Variants in PRRX2 observed in about 807,000 individuals in gnomAD.
PRRX2 encodes the protein paired related homeobox 2.
A neutral mutation model predicts 18.0 loss-of-function variants in PRRX2; 11 were observed. The observed-to-expected ratio is 0.61, with a 90% CI of 0.39 to 1.01. The LOEUF (loss-of-function observed/expected upper bound fraction) is 1.01, where lower values mean the gene tolerates loss of function less well. PRRX2 is among the 50% of genes least tolerant of loss of function. PRRX2 has a pLI of 0.01. For missense variants in PRRX2, 387 were observed against 351.0 expected (o/e 1.10, Z -0.82); for synonymous variants, 177 against 154.8 (o/e 1.14, Z -1.06).
At chr9:129,673,652 CCACACA>C (rs3054761) in intron 1 of PRRX2, among the ~76,000 whole-genome samples, 53 of 148,952 alleles carry the variant, frequency 3.6e-4, no homozygotes, top group Non-Finnish European at 5.4e-4. Flanking sequence ...ACCCCCCATG[CCACACA>C]CACACACACA....
In PRRX2 at chr9:129,709,553, G is replaced by A. The variant is rs1177560939; in HGVS notation, c.260-9678G>A. ...GCCTCTCGCTCTTGTGTGCTGTGCC[G>A]AGGCCGGGGAAGCCATGGGATGGGG... On this transcript the variant is annotated intron_variant, in intron 1 of 3. Coordinates refer to ENST00000372469, the MANE Select transcript of PRRX2 (RefSeq NM_016307.4). This position sits in a 1 kb window ranked among gnomAD's most constrained non-coding sequence, Gnocchi z 4.2. 3.9e-5 allele frequency among the ~76,000 whole-genome samples: 6 copies of A among 152,200 alleles called. No individual in the cohort carries two copies. Among genetic ancestry groups the A allele is most frequent in the African/African-American group, 1.2e-4 (5 of 41,460 alleles).
At chr9:129,670,686 T>C (rs1832089013) in intron 1 of PRRX2, among the ~76,000 whole-genome samples, 1 of 152,164 alleles carries the variant, frequency 6.6e-6, no homozygotes, top group African/African-American at 2.4e-5. Flanking sequence ...TACCTTTAAA[T>C]GTGTTAAGGG....
intron 1 of PRRX2, among the ~76,000 whole-genome samples, chr9:129,719,005 C>T (rs1413842270): frequency 1.3e-5 from 2 of 152,170 alleles, no homozygotes; most frequent in African/African-American, 4.8e-5. Context: ...TCCGTTATCT[C>T]CCCGGAGTCT....
Position 129,719,328 on chromosome 9 carries a change from GGAGCGCGTGTTC to G in PRRX2, c.364_375del (p.Val122_Arg125del), listed in dbSNP as rs1564156642. 1.2e-6 allele frequency: 2 copies of G among 1,606,372 alleles called. No homozygotes were observed. Among genetic ancestry groups the G allele is most frequent in the African/African-American group, 1.3e-5 (1 of 74,774 alleles). ...TCAACAGCAGCCAACTGCAGGCGCT[GGAGCGCGTGTTC>G]GAGCGCACGCACTACCCCGACGCCT... On this transcript the variant is annotated inframe_deletion, in exon 2 of 4. Transcript: ENST00000372469.
intron 1 of PRRX2, among the ~76,000 whole-genome samples, chr9:129,696,092 A>G: frequency 6.6e-6 from 1 of 151,992 alleles, no homozygotes. Context: ...GAAAAAAAAA[A>G]GAAAGGTGGG....
At chr9:129,669,154 C>G (rs985397089) in intron 1 of PRRX2, among the ~76,000 whole-genome samples, 1 of 73,822 alleles carries the variant, frequency 1.4e-5, no homozygotes, top group African/African-American at 9.0e-5. Flanking sequence ...ATAGCAGGCT[C>G]AAACTTTTTT....
chr9:129,669,443 C>T (rs1289783196), intron 1 of PRRX2, among the ~76,000 whole-genome samples: 1 of 152,248 alleles, frequency 6.6e-6, no homozygotes, highest in Non-Finnish European at 1.5e-5. Flanking sequence ...AGCATTCCCT[C>T]CTGTGGGCAG....
At chr9:129,708,285 C>T (rs1169184459) in intron 1 of PRRX2, among the ~76,000 whole-genome samples, 1 of 152,210 alleles carries the variant, frequency 6.6e-6, no homozygotes, top group Non-Finnish European at 1.5e-5. Flanking sequence ...GTCCACCTGC[C>T]TCGGCCTCTG....
intron 1 of PRRX2, among the ~76,000 whole-genome samples, chr9:129,676,714 G>C (rs1323627912): frequency 6.6e-6 from 1 of 152,216 alleles, no homozygotes; most frequent in African/African-American, 2.4e-5. Context: ...AACCCTGCGG[G>C]CTTGGAAGCC....
rs1312582203 is a variant in PRRX2, at chr9:129,709,014, G to GC, written c.260-10215dup. 6.6e-6 allele frequency among the ~76,000 whole-genome samples: 1 copy of GC among 152,194 alleles called. No individual in the cohort carries two copies. The highest frequency in any genetic ancestry group is 2.4e-5 in the African/African-American group (1 of 41,436). On this transcript the variant is annotated intron_variant, in intron 1 of 3. Coordinates refer to ENST00000372469, the MANE Select transcript of PRRX2 (RefSeq NM_016307.4). This position sits in a 1 kb window ranked among gnomAD's most constrained non-coding sequence, Gnocchi z 4.2. ...TGCAGATGTGCAGGAGAGGGAGAAG[G>GC]CCTAGGAGTCCATAACAAGGAGACC... is the stretch of plus-strand genomic sequence containing the variant.
At chr9:129,681,913 T>C (rs1374766754) in intron 1 of PRRX2, among the ~76,000 whole-genome samples, 1 of 151,936 alleles carries the variant, frequency 6.6e-6, no homozygotes, top group East Asian at 1.9e-4. Context: ...CGGGCACATG[T>C]TTGCTGCTTT....
chr9:129,705,584 A>G (rs1029373045), intron 1 of PRRX2, among the ~76,000 whole-genome samples: 3 of 151,346 alleles, frequency 2.0e-5, no homozygotes, highest in African/African-American at 7.3e-5. Context: ...TGAACTCCTG[A>G]CCTCTGGTGA....
chr9:129,699,679 C>T (rs558479938), intron 1 of PRRX2, among the ~76,000 whole-genome samples: 72 of 152,232 alleles, frequency 4.7e-4, no homozygotes, highest in Admixed American at 5.9e-4. Context: ...TGCATCCGCC[C>T]GGAATAAAGA....
At chr9:129,666,835 C>T (rs1191625422) in intron 1 of PRRX2, among the ~76,000 whole-genome samples, 1 of 152,184 alleles carries the variant, frequency 6.6e-6, no homozygotes, top group Non-Finnish European at 1.5e-5. Flanking sequence ...GGACCGGAGT[C>T]CTCGCGGCTC....
At chr9:129,718,227 T>A (rs943027207) in intron 1 of PRRX2, among the ~76,000 whole-genome samples, 7 of 152,168 alleles carry the variant, frequency 4.6e-5, no homozygotes, top group African/African-American at 1.7e-4. Context: ...CCGCCCCTGC[T>A]GGGCCTTGGC....
chr9:129,696,235 C>T (rs1159753751), intron 1 of PRRX2, among the ~76,000 whole-genome samples: 2 of 152,140 alleles, frequency 1.3e-5, no homozygotes, highest in Admixed American at 6.5e-5. Context: ...CTTTTCAAAA[C>T]GAAAACAAGC....
chr9:129,707,193 T>C (rs1377190540), intron 1 of PRRX2, among the ~76,000 whole-genome samples: 1 of 151,916 alleles, frequency 6.6e-6, no homozygotes, highest in Non-Finnish European at 1.5e-5. Flanking sequence ...GAGGCAGAGG[T>C]TGCAGTGAGC....
intron 1 of PRRX2, among the ~76,000 whole-genome samples, chr9:129,687,685 T>C (rs371294192): frequency 2.6e-5 from 4 of 152,340 alleles, no homozygotes; most frequent in African/African-American, 9.6e-5. Context: ...CGTGGAATTC[T>C]AGCAGCCTGG....
chr9:129,696,774 G>A (rs537117917), intron 1 of PRRX2, among the ~76,000 whole-genome samples: 48 of 152,060 alleles, frequency 3.2e-4, no homozygotes, highest in African/African-American at 9.4e-4. Context: ...GAGGACCCTC[G>A]CTAAGGGATC....
Sources: allele counts gnomAD v4.1 joint callset (sites outside exome capture counted in the v4.1 genomes callset), GRCh38; gene constraint gnomAD v4.1.1; non-coding constraint Gnocchi (gnomAD v3.1); transcripts MANE v1.5; gene names NCBI Gene and HGNC (gene_info 2026-07-23, HGNC 2026-07-21).